The following DHCR24 variants were observed in gnomAD, a reference collection of about 807,000 sequenced individuals.
The protein encoded by DHCR24 is delta(24)-sterol reductase.
In DHCR24, 28 loss-of-function variants were observed where a neutral mutation model predicts 61.2. That is an observed-to-expected ratio of 0.46 (90% CI 0.34 to 0.63). The LOEUF (loss-of-function observed/expected upper bound fraction) is 0.63. Ranked by LOEUF, DHCR24 falls within the 20% of genes least tolerant of loss-of-function variation. The pLI is 0.01. For missense variants in DHCR24, 538 were observed against 679.1 expected (o/e 0.79, Z 2.31); for synonymous variants, 261 against 275.9 (o/e 0.95, Z 0.54).
chr1:54,855,013 A>T (rs552615747), intron 6 of DHCR24, among the ~76,000 whole-genome samples: 1 of 151,978 alleles, frequency 6.6e-6, no homozygotes, highest in South Asian at 2.1e-4. Context: ...CTTGAGTCCT[A>T]CCATGTTCCT....
chr1:54,874,984 C>T, intron 4 of DHCR24, 109 bp downstream of exon 4: 1 of 948,868 alleles, frequency 1.1e-6, no homozygotes, highest in Admixed American at 1.7e-5. Context: ...TAGACCCAGA[C>T]TGAACAGGTA....
chr1:54,882,049 AATAAT>A (rs1647066197), intron 2 of DHCR24, among the ~76,000 whole-genome samples: 2 of 152,226 alleles, frequency 1.3e-5, no homozygotes, highest in South Asian at 4.2e-4. Flanking sequence ...TGGGTGATGA[AATAAT>A]ATGTACAACA....
intron 5 of DHCR24, among the ~76,000 whole-genome samples, chr1:54,869,588 TAC>T (rs35058139): frequency 2.0e-5 from 3 of 150,332 alleles, no homozygotes; most frequent in Admixed American, 6.6e-5. Context: ...CACATACATA[TAC>T]ACACACACAC....
chr1:54,883,543 C>G lies in DHCR24; in HGVS notation c.387+75G>C, dbSNP rs914045931. 3 of 1,584,860 alleles carry G rather than the reference C, an allele frequency of 1.9e-6. No homozygotes were observed. The African/African-American group carries it at 4.0e-5, about 21-fold the overall frequency. ...ACTCTGCAATGCCCTTGGCTAAAAT[C>G]ATCTCCCTATGAGTCACTTGCACCA... On this transcript the variant is annotated intron_variant, in intron 2 of 8. Coordinates refer to ENST00000371269, the MANE Select transcript of DHCR24 (RefSeq NM_014762.4). This position sits in a 1 kb window ranked among gnomAD's most constrained non-coding sequence, Gnocchi z 4.3.
intron 4 of DHCR24, among the ~76,000 whole-genome samples, chr1:54,874,340 A>G (rs1647014849): frequency 6.6e-6 from 1 of 152,220 alleles, no homozygotes; most frequent in Non-Finnish European, 1.5e-5. Flanking sequence ...TACGCTACAT[A>G]GGTGTACCAT....
intron 5 of DHCR24, among the ~76,000 whole-genome samples, chr1:54,867,811 G>A (rs1020007728): frequency 2.6e-5 from 4 of 152,178 alleles, no homozygotes; most frequent in Non-Finnish European, 5.9e-5. Flanking sequence ...CAGGGGCCCA[G>A]GAGGGCCAGA....
chr1:54,881,139 A>G (rs948571369), intron 2 of DHCR24, among the ~76,000 whole-genome samples: 2 of 152,224 alleles, frequency 1.3e-5, no homozygotes, highest in African/African-American at 2.4e-5. Context: ...GACAGAGTGA[A>G]ACTCTGTCTC....
intron 8 of DHCR24, among the ~76,000 whole-genome samples, chr1:54,852,798 GCAGTCCAGATCGTGGCTATAACCAT>G (rs71781880): frequency 0.077 from 11,776 of 152,250 alleles, 538 homozygotes; most frequent in Admixed American, 0.11. Context: ...TCCAATCACT[GCAGTCCAGATCGTGGCTATAACCAT>G]CAGCCCCAAA....
chr1:54,876,086 G>C (rs766794871), intron 2 of DHCR24, 39 bp from the exon 3 acceptor site: 1 of 1,551,008 alleles, frequency 6.4e-7, no homozygotes, highest in South Asian at 1.1e-5. Context: ...TCAAAAGGAG[G>C]CTGCCAGGCC....
rs774425757 is a variant in DHCR24 at position 54,876,057 on chromosome 1, C to G, written c.388-10G>C. ...GCTCCACACGGACAATCTGTTGACA[C>G]AAGAAAAGAGACCCTGGGTCAAAAG... On this transcript the variant is annotated splice_polypyrimidine_tract_variant and intron_variant, in intron 2 of 8. Coordinates refer to ENST00000371269, the MANE Select transcript of DHCR24 (RefSeq NM_014762.4). The G allele has an allele frequency of 1.6e-5, 26 of 1,611,316 alleles. No homozygotes were observed. In the Middle Eastern group the frequency reaches 6.6e-4, roughly 41 times the overall value.
chr1:54,876,522 C>T (rs1290943720), intron 2 of DHCR24, among the ~76,000 whole-genome samples: 3 of 151,936 alleles, frequency 2.0e-5, no homozygotes, highest in African/African-American at 4.8e-5. Flanking sequence ...GGCGTGGTGG[C>T]GGGCACCTGT....
At chr1:54,886,811 C>T in intron 1 of DHCR24, 78 bp downstream of exon 1, 2 of 1,563,906 alleles carry the variant, frequency 1.3e-6, no homozygotes, top group Non-Finnish European at 1.7e-6. Context: ...CCGCAGCTCC[C>T]GTCGCCACCT....
In DHCR24 at chr1:54,873,642, C is replaced by T. The variant is rs114530432; in HGVS notation, c.612+1451G>A. Among the ~76,000 whole-genome samples the T allele has an allele frequency of 8.7e-3, 1,323 of 152,238 alleles. 16 individuals are homozygous for T. The highest frequency in any genetic ancestry group is 0.026 in the African/African-American group (1,093 of 41,546). ...CTCTGTGTAGGCCTAAACTAACATGCGTTTATGTCTTGACCTTTTTTCTTT... is the reference window on the plus strand; with the variant it reads ...CTCTGTGTAGGCCTAAACTAACATGTGTTTATGTCTTGACCTTTTTTCTTT... On this transcript the variant is annotated intron_variant, in intron 4 of 8. Transcript: ENST00000371269.
intron 2 of DHCR24, among the ~76,000 whole-genome samples, chr1:54,878,343 TAAA>T (rs34599871): frequency 6.8e-6 from 1 of 146,932 alleles, no homozygotes; most frequent in Non-Finnish European, 1.5e-5. Context: ...CCGCCTCTGC[TAAA>T]AAAAAAAAAT....
Position 54,875,156 on chromosome 1 carries a change from G to C in DHCR24, c.549C>G (p.Phe183Leu). ...IESSSHKYGL[F>L]QHICTAYELV... Reference sequence around the variant, plus strand: ...GCTCGTAAGCAGTGCAGATGTGTTGGAACAGGCCGTACTTGTGGGATGATG... The same window carrying C: ...GCTCGTAAGCAGTGCAGATGTGTTGCAACAGGCCGTACTTGTGGGATGATG... The change falls in exon 4 of 9, where the codon TTC (phenylalanine) becomes TTG (leucine). Residue 183 changes from phenylalanine to leucine, a missense_variant. Physicochemically the swap from Phe to Leu is conservative, Grantham distance 22. Coordinates refer to ENST00000371269, the MANE Select transcript of DHCR24 (RefSeq NM_014762.4). 1 of 1,614,162 alleles carries C rather than the reference G, an allele frequency of 6.2e-7. No individual in the cohort carries two copies.
chr1:54,852,513 T>A, intron 8 of DHCR24, 127 bp from the exon 9 acceptor site: 1 of 1,049,540 alleles, frequency 9.5e-7, no homozygotes, highest in Non-Finnish European at 1.4e-6. Context: ...TTAACCCCGT[T>A]AACCTGGTGA....
intron 5 of DHCR24, among the ~76,000 whole-genome samples, chr1:54,868,921 G>A (rs1646982168): frequency 6.6e-6 from 1 of 152,124 alleles, no homozygotes; most frequent in Non-Finnish European, 1.5e-5. Context: ...ACCAAAATCA[G>A]CCAGGTGCAG....
chr1:54,855,350 T>C (rs10788990), intron 6 of DHCR24, among the ~76,000 whole-genome samples: 99,252 of 149,302 alleles, frequency 0.66, 33,309 homozygotes, highest in South Asian at 0.8. Flanking sequence ...GCCGAGATTG[T>C]GCCACTGCAC....
Position 54,853,759 on chromosome 1 carries a change from C to A in DHCR24, c.1219-147G>T, listed in dbSNP as rs559513875. The A allele has an allele frequency of 4.2e-5, 42 of 999,834 alleles. No homozygotes were observed. In the Admixed American group the frequency reaches 8.0e-4, roughly 19 times the overall value. The allele number at this position is 999,834 out of a possible 1,614,324, so 61.9% of individuals were successfully genotyped here. A position where few individuals can be genotyped will look rare whatever the true frequency, so the allele number is the denominator to read the frequency against. ...CTCTCAGCTTCACTGCCCCGCCCCC[C>A]AGCCCTGGCTGAGAACACCCTGACT... is the stretch of plus-strand genomic sequence containing the variant. On this transcript the variant is annotated intron_variant, in intron 7 of 8. Coordinates refer to ENST00000371269, the MANE Select transcript of DHCR24 (RefSeq NM_014762.4).
Sources: gnomAD v4.1 joint callset for allele counts (sites outside exome capture counted in the v4.1 genomes callset) on GRCh38, gnomAD v4.1.1 for gene constraint, Gnocchi (gnomAD v3.1) non-coding constraint, MANE v1.5 for transcripts, NCBI Gene and HGNC (gene_info 2026-07-23, HGNC 2026-07-21) for gene names.